Variants in MTCL1 observed in about 807,000 individuals in gnomAD.
MTCL1 encodes microtubule cross-linking factor 1.
A neutral mutation model predicts 141.4 loss-of-function variants in MTCL1; 79 were observed. That is an observed-to-expected ratio of 0.56 (90% CI 0.47 to 0.67). MTCL1 has a LOEUF of 0.67. MTCL1 is among the 30% of genes least tolerant of loss of function. MTCL1 has a pLI of 0.00. For synonymous variants in MTCL1, 914 were observed against 875.8 expected (o/e 1.04, Z -0.77); for missense variants, 2,177 against 2,113.9 (o/e 1.03, Z -0.59).
At chr18:8,766,718 G>A (rs2096461611) in intron 4 of MTCL1, among the ~76,000 whole-genome samples, 1 of 152,224 alleles carries the variant, frequency 6.6e-6, no homozygotes, top group South Asian at 2.1e-4. Context: ...GCTCCCAGCT[G>A]TAGCCCTGGC....
chr18:8,705,583 GCA>G, upstream of MTCL1: 1 of 547,912 alleles, frequency 1.8e-6, no homozygotes, highest in Non-Finnish European at 2.5e-6. The surrounding 1 kb of genome is among the most constrained non-coding windows in gnomAD (Gnocchi z 5.2). Context: ...CGGGGAGGCT[GCA>G]CGCCGCCGCC....
intron 2 of MTCL1, chr18:8,718,087 A>G (rs2096141832): frequency 4.2e-6 from 3 of 718,212 alleles, no homozygotes; most frequent in Admixed American, 4.1e-5. Flanking sequence ...GCTTAGGTCA[A>G]TGTTTGGTTT....
At chr18:8,808,305 ATATGTT>A (rs1167934746) in intron 11 of MTCL1, among the ~76,000 whole-genome samples, 1 of 144,048 alleles carries the variant, frequency 6.9e-6, no homozygotes, top group East Asian at 2.2e-4. Context: ...ATTAAAAAAA[ATATGTT>A]TATAGGGGGA....
rs574277336 is a variant in MTCL1, at chr18:8,794,749, G to T, written c.2011-1483G>T. Among the ~76,000 whole-genome samples the T allele has an allele frequency of 1.6e-4, 25 of 152,286 alleles. 1 individual carries two copies. In the South Asian group the frequency reaches 5.0e-3, roughly 30 times the overall value. ...TGCAGTTTTGTTTCTTAGATTATAG[G>T]TGAACTCTGTTCCTCATTGTTCTTG... On this transcript the variant is annotated intron_variant, in intron 8 of 16. Transcript: ENST00000359865.
chr18:8,785,790 T>G (rs2096551133), intron 6 of MTCL1, 146 bp from the exon 6 acceptor site: 7 of 918,480 alleles, frequency 7.6e-6, no homozygotes, highest in Non-Finnish European at 8.1e-6. Context: ...GTGCTGTTCT[T>G]TGGTCGTTTT....
At chr18:8,715,095 C>T (rs1000671802), upstream of MTCL1, among the ~76,000 whole-genome samples, 5 of 152,166 alleles carry the variant, frequency 3.3e-5, no homozygotes, top group African/African-American at 1.2e-4. Flanking sequence ...CGCACCCGGC[C>T]CCTAATTTTA....
chr18:8,718,547 C>G (rs368883249), exon 3 of MTCL1: 178 of 1,614,112 alleles, frequency 1.1e-4, no homozygotes, highest in Non-Finnish European at 1.4e-4. Context: ...CTGCCGAATC[C>G]TGCAGTACCG....
rs191385123 is a variant in MTCL1, at chr18:8,795,564, C to T, written c.2011-668C>T. Among the ~76,000 whole-genome samples, 624 of 152,202 alleles carry T rather than the reference C, an allele frequency of 4.1e-3. 7 individuals carry two copies. The highest frequency in any genetic ancestry group is 5.2e-3 in the Non-Finnish European group (352 of 68,018). ...AAACAGGAATTTAATGTGGAGATGC[C>T]AGATATTTCTTTTTCAGTGACACTT... On this transcript the variant is annotated intron_variant, in intron 8 of 16. Coordinates refer to ENST00000359865, the Ensembl canonical transcript of MTCL1.
intron 4 of MTCL1, among the ~76,000 whole-genome samples, chr18:8,728,722 T>C (rs1301417118): frequency 3.5e-5 from 3 of 85,892 alleles, no homozygotes; most frequent in African/African-American, 1.4e-4. Flanking sequence ...TGTCCATTCT[T>C]TTTTTTTTTT....
At chr18:8,742,315 C>G (rs1470894372) in intron 4 of MTCL1, among the ~76,000 whole-genome samples, 4 of 152,148 alleles carry the variant, frequency 2.6e-5, no homozygotes, top group Non-Finnish European at 5.9e-5. Context: ...CCCTCTCTCC[C>G]TCTGTATTAG....
intron 9 of MTCL1, among the ~76,000 whole-genome samples, chr18:8,797,468 T>C (rs2075965933): frequency 6.6e-6 from 1 of 152,240 alleles, no homozygotes; most frequent in Non-Finnish European, 1.5e-5. Context: ...TGGCCTTGCT[T>C]CCTGGCACAC....
At chr18:8,792,901 G>A (rs1248415790) in intron 7 of MTCL1, 97 bp from the exon 7 acceptor site, 53 of 1,518,314 alleles carry the variant, frequency 3.5e-5, no homozygotes, top group Admixed American at 5.4e-5. Context: ...GTGTCGCTCC[G>A]TGTGCGTCCC....
chr18:8,709,572 C>T (rs28401243), intron 1 of MTCL1, among the ~76,000 whole-genome samples: 2,846 of 152,250 alleles, frequency 0.019, 90 homozygotes, highest in African/African-American at 0.062. Flanking sequence ...AGAACTAACT[C>T]TCAGGATTAG....
At chr18:8,756,445 GTATATATGTGTATATATGTGTA>G (rs1567983782) in intron 4 of MTCL1, among the ~76,000 whole-genome samples, 1,467 of 146,210 alleles carry the variant, frequency 0.01, 34 homozygotes, top group African/African-American at 0.038. Flanking sequence ...GTATATATGT[GTATATATGTGTATATATGTGTA>G]TATGTGTGTA....
chr18:8,802,956 C>G (rs571577941), intron 10 of MTCL1, among the ~76,000 whole-genome samples: 2 of 152,224 alleles, frequency 1.3e-5, no homozygotes, highest in South Asian at 2.1e-4. Context: ...TCAATGGAAC[C>G]GAGTCTTAAT....
chr18:8,731,336 G>A (rs1201379275), intron 4 of MTCL1, among the ~76,000 whole-genome samples: 1 of 152,132 alleles, frequency 6.6e-6, no homozygotes, highest in Admixed American at 6.5e-5. Context: ...TACTTTAGGA[G>A]GCCGAGGCGG....
chr18:8,788,796 C>T (rs2075613723), intron 7 of MTCL1, among the ~76,000 whole-genome samples: 1 of 152,200 alleles, frequency 6.6e-6, no homozygotes, highest in Non-Finnish European at 1.5e-5. Context: ...AACCCACGGA[C>T]ACCCACTGAC....
chr18:8,711,913 A>G (rs924836200), intron 1 of MTCL1, among the ~76,000 whole-genome samples: 1 of 152,194 alleles, frequency 6.6e-6, no homozygotes, highest in African/African-American at 2.4e-5. Context: ...CAGGCTGCCA[A>G]GACTGTGTTT....
intron 4 of MTCL1, among the ~76,000 whole-genome samples, chr18:8,741,384 T>C (rs1208619625): frequency 1.3e-5 from 2 of 152,220 alleles, no homozygotes; most frequent in Non-Finnish European, 2.9e-5. Context: ...TGCAAATAAA[T>C]TGCTTATAAT....
Sources: allele counts gnomAD v4.1 joint callset (sites outside exome capture counted in the v4.1 genomes callset), GRCh38; gene constraint gnomAD v4.1.1; non-coding constraint Gnocchi (gnomAD v3.1); transcripts MANE v1.5; gene names NCBI Gene and HGNC (gene_info 2026-07-23, HGNC 2026-07-21).